Variants in CAGE1 observed in about 807,000 individuals in gnomAD.
CAGE1 encodes cancer antigen 1, also known as cancer-associated gene 1 protein.
A neutral mutation model predicts 94.9 loss-of-function variants in CAGE1; 66 were observed. The observed-to-expected ratio is 0.70, with a 90% CI of 0.57 to 0.85. The LOEUF is 0.85. Among genes scored for constraint, CAGE1 ranks in the 40% least tolerant of loss-of-function variants. The pLI is 0.00. For synonymous variants in CAGE1, 319 were observed against 321.0 expected (o/e 0.99, Z 0.07); for missense variants, 865 against 950.4 (o/e 0.91, Z 1.18).
In CAGE1 at chr6:7,389,727, C is replaced by G; in HGVS notation, c.-549G>C. 1.8e-6 allele frequency: 1 copy of G among 556,794 alleles called. No homozygotes were observed. The highest frequency in any genetic ancestry group is 3.2e-6 in the Non-Finnish European group (1 of 310,012). 34.5% of individuals were successfully genotyped at this position (556,794 alleles called of 1,614,324 possible). A position where few individuals can be genotyped will look rare whatever the true frequency, so the allele number is the denominator to read the frequency against. ...AACATCCACAGCCCTATACAGCGCGCCATCCAGAGAGCTCCGGACTCCCAG... is the reference window on the plus strand; with the variant it reads ...AACATCCACAGCCCTATACAGCGCGGCATCCAGAGAGCTCCGGACTCCCAG... On this transcript the variant is annotated 5_prime_UTR_variant, in exon 1 of 14. Coordinates refer to ENST00000502583, the MANE Select transcript of CAGE1 (RefSeq NM_001170692.2).
chr6:7,327,391 G>A (rs149692407), intron 13 of CAGE1, among the ~76,000 whole-genome samples: 1 of 152,012 alleles, frequency 6.6e-6, no homozygotes, highest in African/African-American at 2.4e-5. Flanking sequence ...CTGACCTCAA[G>A]TGATCCACCT....
chr6:7,339,382 C>T lies in CAGE1; in HGVS notation c.2370-5292G>A, dbSNP rs1759084472. The T allele has an allele frequency of 6.2e-7, 1 of 1,607,264 alleles. No homozygotes were observed. Among genetic ancestry groups the T allele is most frequent in the Non-Finnish European group, 8.5e-7 (1 of 1,174,690 alleles). On this transcript the variant is annotated intron_variant, in intron 11 of 13. Coordinates refer to ENST00000502583, the MANE Select transcript of CAGE1 (RefSeq NM_001170692.2). This position sits in a 1 kb window ranked among gnomAD's most constrained non-coding sequence, Gnocchi z 4.7. ...GCAGTCAGTTCCCGAATCCGCCGGC[C>T]CTTCTCACCAAGAACATTCTGTGTT... is the stretch of plus-strand genomic sequence containing the variant.
intron 13 of CAGE1, 72 bp from the exon 14 acceptor site, chr6:7,326,971 A>G: frequency 1.8e-6 from 2 of 1,139,274 alleles, no homozygotes. Flanking sequence ...ACCCCTAAAC[A>G]GCCAATTTTT....
Position 7,369,944 on chromosome 6 carries a change from A to G in CAGE1, c.1868T>C (p.Leu623Pro). The G allele has an allele frequency of 6.2e-7, 1 of 1,612,766 alleles. No homozygotes were observed. Among genetic ancestry groups the G allele is most frequent in the Non-Finnish European group, 8.5e-7 (1 of 1,179,542 alleles). Residue 623 changes from leucine (L) to proline (P), a missense_variant, in exon 6 of 14, where the codon CTG becomes CCG. Physicochemically the swap from Leu to Pro is moderately conservative, Grantham distance 98. Coordinates refer to ENST00000502583, the MANE Select transcript of CAGE1 (RefSeq NM_001170692.2). ...LASKMHSLLA[L>P]MVGLLTCQDI... ...CTGGCATGTGAGAAGTCCCACCATCAGAGCCAGAAGACTGTGCATTTTGGA... is the reference window on the plus strand; with the variant it reads ...CTGGCATGTGAGAAGTCCCACCATCGGAGCCAGAAGACTGTGCATTTTGGA...
At chr6:7,341,071 C>A in intron 11 of CAGE1, 1 of 519,734 alleles carries the variant, frequency 1.9e-6, no homozygotes, top group Non-Finnish European at 3.8e-6. Context: ...GAGGCCAGAG[C>A]TGCAGCTGTG....
chr6:7,339,035 T>C lies in CAGE1; in HGVS notation c.2370-4945A>G. ...TCACCTTGATGCCCAGCACACTCTG[T>C]CTGAGCAACACATGGCGCACAGCAG... On this transcript the variant is annotated intron_variant, in intron 11 of 13. Transcript: ENST00000502583. This position sits in a 1 kb window ranked among gnomAD's most constrained non-coding sequence, Gnocchi z 4.7. 7 of 1,607,344 alleles carry C rather than the reference T, an allele frequency of 4.4e-6. No individual in the cohort carries two copies. The highest frequency in any genetic ancestry group is 5.1e-6 in the Non-Finnish European group (6 of 1,175,964).
chr6:7,328,841 A>G (rs1320442794), intron 13 of CAGE1, among the ~76,000 whole-genome samples: 1 of 149,186 alleles, frequency 6.7e-6, no homozygotes, highest in Non-Finnish European at 1.5e-5. Context: ...CACATTGTGC[A>G]CATGCATGGA....
chr6:7,345,192 T>TA (rs1036721530), intron 11 of CAGE1, among the ~76,000 whole-genome samples: 1 of 115,800 alleles, frequency 8.6e-6, no homozygotes, highest in Admixed American at 8.6e-5. Flanking sequence ...TGTGAAGGTT[T>TA]GTAGTTTCAC....
chr6:7,376,389 A>AAAATAAAT (rs200068860), intron 4 of CAGE1, among the ~76,000 whole-genome samples: 5,057 of 141,622 alleles, frequency 0.036, 172 homozygotes, highest in East Asian at 0.15. Context: ...ACTCCATCTC[A>AAAATAAAT]AAATAAATAA....
At chr6:7,345,603 C>G (rs1759460185) in intron 11 of CAGE1, among the ~76,000 whole-genome samples, 1 of 152,176 alleles carries the variant, frequency 6.6e-6, no homozygotes, top group South Asian at 2.1e-4. Flanking sequence ...TCATAGTAAA[C>G]AGCTGTTTCT....
rs547599964 is a variant in CAGE1, at chr6:7,365,784, G to A, written c.2085+20C>T. The A allele has an allele frequency of 2.4e-3, 3,458 of 1,415,578 alleles. 81 individuals are homozygous for A. In the South Asian group the frequency reaches 0.033, roughly 14 times the overall value. The allele number at this position is 1,415,578 out of a possible 1,614,324, so 87.7% of individuals were successfully genotyped here. A position where few individuals can be genotyped will look rare whatever the true frequency, so the allele number is the denominator to read the frequency against. On this transcript the variant is annotated intron_variant, in intron 8 of 13. Transcript: ENST00000502583. ...TATATTTTTATGTTAAAGATAGTACGTAGTAAATATTAAGCTCACCTTAAT... is the reference window on the plus strand; with the variant it reads ...TATATTTTTATGTTAAAGATAGTACATAGTAAATATTAAGCTCACCTTAAT...
intron 3 of CAGE1, among the ~76,000 whole-genome samples, chr6:7,385,272 T>C (rs1303848146): frequency 6.6e-6 from 1 of 151,840 alleles, no homozygotes; most frequent in Non-Finnish European, 1.5e-5. Flanking sequence ...CCCAAAGTGC[T>C]GGGATTACAG....
At chr6:7,363,631 G>T (rs946135661) in intron 9 of CAGE1, among the ~76,000 whole-genome samples, 2 of 152,130 alleles carry the variant, frequency 1.3e-5, no homozygotes, top group African/African-American at 4.8e-5. Context: ...TGGTAGTTAG[G>T]TCTAGAAGCT....
intron 4 of CAGE1, 118 bp downstream of exon 4, chr6:7,378,499 C>T: frequency 1.3e-6 from 1 of 780,840 alleles, no homozygotes. Flanking sequence ...TAATACTCCA[C>T]AGGCTTTACT....
At position 7,333,642 on chromosome 6, in the gene CAGE1, CTATATATA is replaced by C. The variant is rs773887819; in HGVS notation, c.2438+372_2438+379del. On this transcript the variant is annotated intron_variant, in intron 12 of 13. Coordinates refer to ENST00000502583, the MANE Select transcript of CAGE1 (RefSeq NM_001170692.2). ...ATTATCTAACTATCTATCTAACTAT[CTATATATA>C]TATATATATATATATATATATATAC... Among the ~76,000 whole-genome samples, 1,075 of 121,442 alleles carry C rather than the reference CTATATATA, an allele frequency of 8.9e-3. 17 individuals are homozygous for C. The highest frequency in any genetic ancestry group is 0.026 in the African/African-American group (845 of 32,364). The allele number at this position is 121,442 out of a possible 152,430, so 79.7% of individuals were successfully genotyped here.
intron 9 of CAGE1, among the ~76,000 whole-genome samples, chr6:7,357,950 C>T (rs1039716552): frequency 1.3e-5 from 2 of 148,202 alleles, no homozygotes; most frequent in Non-Finnish European, 3.0e-5. Flanking sequence ...TATGCCACCA[C>T]ACCTGGCTAG....
chr6:7,365,827 CT>C lies in CAGE1; in HGVS notation c.2061del (p.Ala688HisfsTer10), dbSNP rs1178174472. On this transcript the variant is annotated frameshift_variant, in exon 8 of 14. Coordinates refer to ENST00000502583, the MANE Select transcript of CAGE1 (RefSeq NM_001170692.2). LOFTEE classifies it high-confidence loss of function. ...TTFRELIAKEKAFQDHAIKVI... is the reference protein window; with the variant it reads ...TTFRELIAKEXAFQDHAIKVI... ...ACCTTAATAGCATGATCTTGAAATGCTTTTTCCTTAGCAATTAACTCTCTAA... is the reference window on the plus strand; with the variant it reads ...ACCTTAATAGCATGATCTTGAAATGCTTTTCCTTAGCAATTAACTCTCTAA... 2.0e-6 allele frequency: 3 copies of C among 1,538,190 alleles called. No individual in the cohort carries two copies. Among genetic ancestry groups the C allele is most frequent in the Non-Finnish European group, 2.6e-6 (3 of 1,137,896 alleles).
Position 7,373,947 on chromosome 6 carries a change from T to G in CAGE1, c.872A>C (p.Gln291Pro), listed in dbSNP as rs1249942024. The change falls in exon 5 of 14, where the codon CAA becomes CCA. Residue 291 changes from glutamine (Q) to proline (P), a missense_variant. Gln to Pro is a moderately conservative substitution (Grantham distance 76). Coordinates refer to ENST00000502583, the MANE Select transcript of CAGE1 (RefSeq NM_001170692.2). ...AACAGGTTGTAAGCTTTCAGCACTT[T>G]GCTCCCAGTCAGGCATCTCACAGTT... is the stretch of plus-strand genomic sequence containing the variant. ...RENCEMPDWEQSAESLQPVQE... is the reference protein window; with the variant it reads ...RENCEMPDWEPSAESLQPVQE... 6.2e-7 allele frequency: 1 copy of G among 1,614,044 alleles called. No homozygotes were observed. The highest frequency in any genetic ancestry group is 8.5e-7 in the Non-Finnish European group (1 of 1,179,898).
chr6:7,332,684 A>G (rs1714580757), intron 12 of CAGE1, among the ~76,000 whole-genome samples: 1 of 152,228 alleles, frequency 6.6e-6, no homozygotes, highest in African/African-American at 2.4e-5. Flanking sequence ...TAGGTAAAAG[A>G]GGTAGAATTA....
Sources: gnomAD v4.1 joint callset for allele counts (sites outside exome capture counted in the v4.1 genomes callset) on GRCh38, gnomAD v4.1.1 for gene constraint, Gnocchi (gnomAD v3.1) non-coding constraint, MANE v1.5 for transcripts, NCBI Gene and HGNC (gene_info 2026-07-23, HGNC 2026-07-21) for gene names.